Variants in MACROD2 observed in about 807,000 individuals in gnomAD.
MACROD2 encodes the protein mono-ADP ribosylhydrolase 2, also known as ADP-ribose glycohydrolase MACROD2.
MACROD2 carries 36 observed loss-of-function variants against 70.4 expected under a neutral mutation model. The ratio of observed to expected loss-of-function variants is 0.51; its 90% CI spans 0.39 to 0.68. The LOEUF is 0.68. Ranked by LOEUF, MACROD2 falls within the 30% of genes least tolerant of loss-of-function variation. MACROD2 has a pLI of 0.00. For missense variants in MACROD2, 496 were observed against 538.4 expected (o/e 0.92, Z 0.78); for synonymous variants, 172 against 178.8 (o/e 0.96, Z 0.30).
intron 8 of MACROD2, among the ~76,000 whole-genome samples, chr20:15,548,416 A>C (rs1463436022): frequency 1.3e-5 from 2 of 151,878 alleles, no homozygotes; most frequent in Non-Finnish European, 2.9e-5. Context: ...GTTTTTTGAG[A>C]TGGAATCTCA....
chr20:15,502,129 A>T (rs1341603585), intron 8 of MACROD2, among the ~76,000 whole-genome samples: 1 of 152,242 alleles, frequency 6.6e-6, no homozygotes, highest in Non-Finnish European at 1.5e-5. Flanking sequence ...CAAATAAAAA[A>T]TAAAGAAATA....
chr20:14,959,736 C>T lies in MACROD2; in HGVS notation c.419-270204C>T, dbSNP rs57551354. Among the ~76,000 whole-genome samples the T allele has an allele frequency of 5.1e-3, 780 of 152,266 alleles. 12 individuals are homozygous for T. Among genetic ancestry groups the T allele is most frequent in the African/African-American group, 0.018 (743 of 41,558 alleles). On this transcript the variant is annotated intron_variant, in intron 5 of 17. Coordinates refer to ENST00000684519, the MANE Select transcript of MACROD2 (RefSeq NM_001351661.2). ...TTCGCAACACATAGTAGCAAGAATC[C>T]TCTTTGTAAGCCCTATTCCATCTGC... is the stretch of plus-strand genomic sequence containing the variant.
chr20:15,494,543 T>A (rs1041106851), intron 7 of MACROD2, among the ~76,000 whole-genome samples: 8 of 152,206 alleles, frequency 5.3e-5, no homozygotes. Context: ...CAGGCAGGCA[T>A]AATTTTGAAC....
intron 5 of MACROD2, among the ~76,000 whole-genome samples, chr20:15,005,865 TACTA>T (rs2075031607): frequency 6.6e-6 from 1 of 152,154 alleles, no homozygotes; most frequent in Admixed American, 6.5e-5. Context: ...TGTGTAAACA[TACTA>T]ACTATCCTTG....
intron 12 of MACROD2, among the ~76,000 whole-genome samples, chr20:15,945,613 C>T (rs1423663798): frequency 6.6e-6 from 1 of 152,176 alleles, no homozygotes; most frequent in Non-Finnish European, 1.5e-5. Context: ...TATAGCAATT[C>T]ATATTTCTAT....
At chr20:14,450,922 G>A (rs1312678187) in intron 3 of MACROD2, among the ~76,000 whole-genome samples, 1 of 152,106 alleles carries the variant, frequency 6.6e-6, no homozygotes, top group Non-Finnish European at 1.5e-5. Context: ...AGGCAAGAGA[G>A]CCAGACAATT....
At chr20:14,697,215 G>A (rs943250835) in intron 5 of MACROD2, among the ~76,000 whole-genome samples, 12 of 152,064 alleles carry the variant, frequency 7.9e-5, no homozygotes, top group African/African-American at 1.2e-4. Context: ...CATATGTCCG[G>A]GATATGTCCT....
At chr20:15,051,586 A>G (rs924577145) in intron 5 of MACROD2, among the ~76,000 whole-genome samples, 2 of 152,108 alleles carry the variant, frequency 1.3e-5, no homozygotes, top group African/African-American at 4.8e-5. Flanking sequence ...GATGAGGCCC[A>G]CTCAGATCAT....
chr20:15,633,372 A>G (rs1258388163), intron 8 of MACROD2, among the ~76,000 whole-genome samples: 2 of 152,354 alleles, frequency 1.3e-5, no homozygotes, highest in South Asian at 4.1e-4. Context: ...GGAGATATAA[A>G]TAACAATGCC....
intron 5 of MACROD2, among the ~76,000 whole-genome samples, chr20:14,691,513 C>T (rs1285508110): frequency 6.6e-6 from 1 of 152,140 alleles, no homozygotes; most frequent in Non-Finnish European, 1.5e-5. Flanking sequence ...AGTCGAGTCT[C>T]TCAAGGGAGA....
chr20:14,137,230 A>G (rs73088829), intron 3 of MACROD2, among the ~76,000 whole-genome samples: 1 of 146,498 alleles, frequency 6.8e-6, no homozygotes, highest in Non-Finnish European at 1.5e-5. Context: ...GTTGATTAAC[A>G]CATGTTTTGT....
intron 10 of MACROD2, among the ~76,000 whole-genome samples, chr20:15,902,148 A>G (rs757691411): frequency 6.6e-6 from 1 of 152,208 alleles, no homozygotes; most frequent in Non-Finnish European, 1.5e-5. Flanking sequence ...ATGCTACTGC[A>G]GAAACATCCA....
At chr20:15,301,591 C>T (rs921555108) in intron 6 of MACROD2, among the ~76,000 whole-genome samples, 5 of 81,250 alleles carry the variant, frequency 6.2e-5, no homozygotes, top group African/African-American at 9.4e-5. Context: ...GGTAGGTGGC[C>T]TTTTTTTTTT....
chr20:14,911,325 G>T (rs2074024536), intron 5 of MACROD2, among the ~76,000 whole-genome samples: 1 of 152,058 alleles, frequency 6.6e-6, no homozygotes, highest in African/African-American at 2.4e-5. Context: ...TTTGCTAGTT[G>T]ATTTTTTTTT....
intron 7 of MACROD2, among the ~76,000 whole-genome samples, chr20:15,461,727 C>T (rs1316243333): frequency 6.6e-6 from 1 of 152,154 alleles, no homozygotes; most frequent in East Asian, 1.9e-4. Flanking sequence ...CTCACTTGGT[C>T]CTCAGAAAAT....
Position 15,916,097 on chromosome 20 carries a change from A to G in MACROD2, c.776-17179A>G, listed in dbSNP as rs146446715. 2.2e-3 allele frequency among the ~76,000 whole-genome samples: 341 copies of G among 152,328 alleles called. 2 individuals carry two copies. Among genetic ancestry groups the G allele is most frequent in the African/African-American group, 7.7e-3 (322 of 41,568 alleles). The stretch of plus-strand genomic sequence containing the variant: ...TTCTTCACGCTCACAGCTGATTAGA[A>G]GGTGGGATATATCTGTGTAACATAT... On this transcript the variant is annotated intron_variant, in intron 10 of 17. Transcript: ENST00000684519.
At chr20:16,030,804 G>A (rs1958001517) in intron 15 of MACROD2, among the ~76,000 whole-genome samples, 2 of 152,198 alleles carry the variant, frequency 1.3e-5, no homozygotes, top group Non-Finnish European at 2.9e-5. Context: ...ATTGCTCTAT[G>A]TGAGAATGAT....
At chr20:14,519,921 G>A (rs1287247096) in intron 4 of MACROD2, among the ~76,000 whole-genome samples, 5 of 152,000 alleles carry the variant, frequency 3.3e-5, no homozygotes, top group African/African-American at 1.2e-4. Flanking sequence ...GCAGAAATAC[G>A]GATGGAGTTG....
At chr20:14,440,947 A>G (rs1241340008) in intron 3 of MACROD2, among the ~76,000 whole-genome samples, 1 of 152,170 alleles carries the variant, frequency 6.6e-6, no homozygotes, top group Non-Finnish European at 1.5e-5. Context: ...CATGGTAAAC[A>G]GAGCCTAGGA....
Sources: gnomAD v4.1 joint callset for allele counts (sites outside exome capture counted in the v4.1 genomes callset) on GRCh38, gnomAD v4.1.1 for gene constraint, MANE v1.5 for transcripts, NCBI Gene and HGNC (gene_info 2026-07-23, HGNC 2026-07-21) for gene names.